Variants in TMEM168 observed in about 807,000 individuals in gnomAD.
TMEM168 encodes the protein transmembrane protein 168.
A neutral mutation model predicts 53.2 loss-of-function variants in TMEM168; 40 were observed. The ratio of observed to expected loss-of-function variants is 0.75; its 90% CI spans 0.58 to 0.98. TMEM168 has a LOEUF of 0.98. Among genes scored for constraint, TMEM168 ranks in the 50% least tolerant of loss-of-function variants. The pLI, the probability that TMEM168 is intolerant of heterozygous loss-of-function variation, is 0.00. For synonymous variants in TMEM168, 282 were observed against 293.0 expected, an observed-to-expected ratio of 0.96 and a Z score of 0.38; for missense variants, 771 against 828.8, an observed-to-expected ratio of 0.93 and a Z score of 0.86.
At position 112,767,747 on chromosome 7, in the gene TMEM168, G is replaced by A. The variant is rs745920749; in HGVS notation, c.1547-3C>T. The A allele has an allele frequency of 1.9e-6, 3 of 1,586,216 alleles. No homozygotes were observed. Among genetic ancestry groups the A allele is most frequent in the Non-Finnish European group, 2.6e-6 (3 of 1,169,792 alleles). ...GTCAAGGCGTAGTGTATCTCCACCT[G>A]TGAACAAGAGAAAATTCAATGGAGC... On this transcript the variant is annotated splice_polypyrimidine_tract_variant and splice_region_variant and intron_variant, in intron 4 of 4. Transcript: ENST00000312814.
rs749469391 is a variant in TMEM168 at position 112,772,820 on chromosome 7, T to G, written c.1507A>C (p.Ser503Arg). ...PRHDTYILYY[S>R]GHTHGTGEWA... Reference sequence around the variant, plus strand: ...TCTCCTGTACCATGGGTGTGCCCACTGTAATACAAAATATACGTATCATGT... The same window carrying G: ...TCTCCTGTACCATGGGTGTGCCCACGGTAATACAAAATATACGTATCATGT... Residue 503 changes from serine to arginine, a missense_variant, in exon 4 of 5, where the codon AGT (serine) becomes CGT (arginine). Ser to Arg is a moderately radical substitution (Grantham distance 110). Coordinates refer to ENST00000312814, the MANE Select transcript of TMEM168 (RefSeq NM_022484.6). 2 of 1,614,066 alleles carry G rather than the reference T, an allele frequency of 1.2e-6. No individual in the cohort carries two copies. The highest frequency in any genetic ancestry group is 8.5e-7 in the Non-Finnish European group (1 of 1,179,944).
Position 112,784,448 on chromosome 7 carries a change from C to T in TMEM168, c.378G>A (p.Leu126=). Residue 126 remains leucine (L), a synonymous_variant, in exon 2 of 5, where the codon TTG becomes TTA. Transcript: ENST00000312814. The part of the protein sequence containing the change: ...NDVKEESTKY[L]LLTSIVLRIL... ...TCCTTAACACTATGGATGTTAGAAGCAAATATTTGGTTGATTCTTCTTTTA... is the reference window on the plus strand; with the variant it reads ...TCCTTAACACTATGGATGTTAGAAGTAAATATTTGGTTGATTCTTCTTTTA... The T allele has an allele frequency of 2.5e-6, 4 of 1,613,932 alleles. No homozygotes were observed. The highest frequency in any genetic ancestry group is 3.4e-6 in the Non-Finnish European group (4 of 1,179,966).
At chr7:112,768,826 C>T (rs1792856434) in intron 4 of TMEM168, among the ~76,000 whole-genome samples, 1 of 152,042 alleles carries the variant, frequency 6.6e-6, no homozygotes, top group Non-Finnish European at 1.5e-5. Flanking sequence ...AAAAAGACGA[C>T]CTTCCCATTT....
intron 1 of TMEM168, among the ~76,000 whole-genome samples, chr7:112,787,434 C>T (rs1793413768): frequency 6.6e-6 from 1 of 152,140 alleles, no homozygotes; most frequent in Non-Finnish European, 1.5e-5. Context: ...GGCTGGAGTG[C>T]AATGGCAGGA....
intron 4 of TMEM168, among the ~76,000 whole-genome samples, chr7:112,771,406 T>G (rs1048064017): frequency 1.3e-5 from 2 of 152,152 alleles, no homozygotes; most frequent in Non-Finnish European, 2.9e-5. Flanking sequence ...CAATTTCCAT[T>G]TCATCGTTTG....
chr7:112,780,517 T>G (rs1445852176), intron 2 of TMEM168, among the ~76,000 whole-genome samples: 4 of 152,188 alleles, frequency 2.6e-5, no homozygotes, highest in African/African-American at 9.7e-5. Context: ...ACTAACTTAC[T>G]GATGGCACAC....
chr7:112,771,354 T>C (rs1792926892), intron 4 of TMEM168, among the ~76,000 whole-genome samples: 1 of 152,120 alleles, frequency 6.6e-6, no homozygotes, highest in African/African-American at 2.4e-5. Flanking sequence ...CATGGTTCTA[T>C]CACATAGTGG....
intron 2 of TMEM168, among the ~76,000 whole-genome samples, chr7:112,775,736 A>G (rs1793064909): frequency 6.6e-6 from 1 of 152,124 alleles, no homozygotes; most frequent in African/African-American, 2.4e-5. Context: ...TATCAAAAAG[A>G]GTGCTTTAGA....
intron 2 of TMEM168, among the ~76,000 whole-genome samples, chr7:112,779,743 T>G (rs1467802530): frequency 6.6e-6 from 1 of 152,220 alleles, no homozygotes; most frequent in African/African-American, 2.4e-5. Flanking sequence ...CAAGTCATGG[T>G]CAAAGTATTC....
chr7:112,774,473 T>C (rs1453763038), intron 3 of TMEM168, among the ~76,000 whole-genome samples: 2 of 151,698 alleles, frequency 1.3e-5, no homozygotes, highest in Non-Finnish European at 2.9e-5. Context: ...TTCAGAGTAG[T>C]TATAGTGTAC....
At chr7:112,772,706 A>C in intron 4 of TMEM168, 75 bp downstream of exon 4, 1 of 1,504,194 alleles carries the variant, frequency 6.6e-7, no homozygotes, top group Non-Finnish European at 9.0e-7. Flanking sequence ...AAATTTAACG[A>C]CTGTGTGTGA....
At chr7:112,789,820 C>T (rs1461679505) in intron 1 of TMEM168, among the ~76,000 whole-genome samples, 1 of 152,228 alleles carries the variant, frequency 6.6e-6, no homozygotes, top group Non-Finnish European at 1.5e-5. Flanking sequence ...TATCAAACTC[C>T]TCAGCACTAG....
Position 112,767,656 on chromosome 7 carries a change from G to C in TMEM168, c.1635C>G (p.Asp545Glu). Residue 545 changes from aspartate (D) to glutamate (E), a missense_variant, in exon 5 of 5, where the codon GAC becomes GAG. Coordinates refer to ENST00000312814, the MANE Select transcript of TMEM168 (RefSeq NM_022484.6). ...SFCSRLIIVL[D>E]SENSTPWVKE... ...TCACCCAAGGGGTTGAATTTTCGCT[G>C]TCTAATACGATAATAAGCCGGGAAC... is the stretch of plus-strand genomic sequence containing the variant. The C allele has an allele frequency of 1.2e-6, 2 of 1,613,930 alleles. No homozygotes were observed. The highest frequency in any genetic ancestry group is 1.7e-6 in the Non-Finnish European group (2 of 1,179,980).
chr7:112,787,966 A>T (rs564678337), intron 1 of TMEM168, among the ~76,000 whole-genome samples: 31 of 151,970 alleles, frequency 2.0e-4, no homozygotes, highest in Admixed American at 3.9e-4. Flanking sequence ...TCCCGACCTC[A>T]GGTGATCCGT....
At chr7:112,767,895 T>C in intron 4 of TMEM168, 151 bp from the exon 5 acceptor site, 1 of 629,104 alleles carries the variant, frequency 1.6e-6, no homozygotes, top group Non-Finnish European at 2.6e-6. Flanking sequence ...AAAAATAAAG[T>C]ATTTAAATGA....
intron 2 of TMEM168, among the ~76,000 whole-genome samples, chr7:112,780,943 C>CAAAAAAA (rs1222902089): frequency 3.3e-5 from 2 of 60,006 alleles, no homozygotes; most frequent in Non-Finnish European, 3.4e-5. Context: ...TGATCCGTAT[C>CAAAAAAA]AAAAAAAAAA....
chr7:112,789,431 TACA>T (rs1793481522), intron 1 of TMEM168, among the ~76,000 whole-genome samples: 1 of 152,192 alleles, frequency 6.6e-6, no homozygotes, highest in South Asian at 2.1e-4. Context: ...AAGAAATAAC[TACA>T]TTTAACAACA....
intron 1 of TMEM168, among the ~76,000 whole-genome samples, chr7:112,785,526 G>A (rs1793355507): frequency 6.6e-6 from 1 of 152,112 alleles, no homozygotes; most frequent in Admixed American, 6.5e-5. Flanking sequence ...AGTCCCTAAA[G>A]TTGAGCCATA....
intron 2 of TMEM168, among the ~76,000 whole-genome samples, chr7:112,775,570 G>C (rs112504021): frequency 2.5e-5 from 3 of 118,818 alleles, no homozygotes; most frequent in African/African-American, 9.2e-5. Context: ...TTTTAAAAAA[G>C]AATTGTCAAA....
Sources: allele counts gnomAD v4.1 joint callset (sites outside exome capture counted in the v4.1 genomes callset), GRCh38; gene constraint gnomAD v4.1.1; transcripts MANE v1.5; gene names NCBI Gene and HGNC (gene_info 2026-07-23, HGNC 2026-07-21).